SMAD9: variants seen among roughly 807,000 people sequenced by gnomAD.
SMAD9 encodes the protein MAD homolog 9.
In SMAD9, 36 loss-of-function variants were observed where a neutral mutation model predicts 46.1. That is an observed-to-expected ratio of 0.78 (90% CI 0.60 to 1.03). SMAD9 has a LOEUF of 1.03. SMAD9 is among the 50% of genes least tolerant of loss of function. The probability of loss-of-function intolerance (pLI) is 0.00; values close to 1 mark genes in which losing one functional copy is unlikely to be tolerated. For missense variants in SMAD9, 572 were observed against 599.8 expected, an observed-to-expected ratio of 0.95 and a Z score of 0.48; for synonymous variants, 245 against 237.1, an observed-to-expected ratio of 1.03 and a Z score of -0.31.
chr13:36,892,340 C>T (rs967344611), intron 1 of SMAD9, among the ~76,000 whole-genome samples: 2 of 152,068 alleles, frequency 1.3e-5, no homozygotes, highest in African/African-American at 4.8e-5. Context: ...TGAAACACAG[C>T]AAAAGCCAAA....
chr13:36,909,929 G>A (rs2058647012), intron 1 of SMAD9, among the ~76,000 whole-genome samples: 1 of 152,224 alleles, frequency 6.6e-6, no homozygotes, highest in African/African-American at 2.4e-5. Flanking sequence ...TGGGCGCAGT[G>A]GCTCACGCCT....
chr13:36,901,814 T>C (rs2058578763), intron 1 of SMAD9, among the ~76,000 whole-genome samples: 1 of 152,252 alleles, frequency 6.6e-6, no homozygotes. Flanking sequence ...TGGAAAAATA[T>C]CTATTCAAGT....
rs2058031025 is a variant in SMAD9, at chr13:36,845,176, A to G, written c.*3500T>C. On this transcript the variant is annotated 3_prime_UTR_variant, in exon 7 of 7. Transcript: ENST00000379826. The stretch of plus-strand genomic sequence containing the variant: ...GACACAAAGTTAAGCAGGTGCTTAC[A>G]GTCTATCAAGTGATATTTATGAAAT... The G allele has an allele frequency of 6.6e-6, 1 of 152,032 alleles. No homozygotes were observed. Among genetic ancestry groups the G allele is most frequent in the Non-Finnish European group, 1.5e-5 (1 of 68,008 alleles). The allele number at this position is 152,032 out of a possible 1,614,324, so 9.4% of individuals were successfully genotyped here. A position where few individuals can be genotyped will look rare whatever the true frequency, so the allele number is the denominator to read the frequency against.
chr13:36,884,306 C>T (rs1309849204), intron 1 of SMAD9, among the ~76,000 whole-genome samples: 6 of 152,268 alleles, frequency 3.9e-5, no homozygotes, highest in Middle Eastern at 3.4e-3. Flanking sequence ...TTGGTCAGTG[C>T]GTGATTAGCG....
rs565618103 is a variant in SMAD9 at position 36,852,458 on chromosome 13, AC to A, written c.1260+960del. ...TGAAGGCTTTCACTTCCATATACAAACCCAGTTGTCTTTCCTTCCCACTAAG... is the reference window on the plus strand; with the variant it reads ...TGAAGGCTTTCACTTCCATATACAAACCAGTTGTCTTTCCTTCCCACTAAG... On this transcript the variant is annotated intron_variant, in intron 6 of 6. Transcript: ENST00000379826. 123 of 985,340 alleles carry A rather than the reference AC, an allele frequency of 1.2e-4. 1 individual carries two copies. The African/African-American group carries it at 2.0e-3, about 16-fold the overall frequency. The allele number at this position is 985,340 out of a possible 1,614,324, so 61.0% of individuals were successfully genotyped here. A position where few individuals can be genotyped will look rare whatever the true frequency, so the allele number is the denominator to read the frequency against.
intron 1 of SMAD9, among the ~76,000 whole-genome samples, chr13:36,896,941 GA>G (rs1593610613): frequency 6.6e-6 from 1 of 151,494 alleles, no homozygotes; most frequent in East Asian, 1.9e-4. Context: ...AGTTGCATTT[GA>G]ACTTTACTTG....
intron 1 of SMAD9, among the ~76,000 whole-genome samples, chr13:36,915,862 T>C (rs935604242): frequency 6.6e-6 from 1 of 152,244 alleles, no homozygotes; most frequent in Non-Finnish European, 1.5e-5. Context: ...AAATGCGTTT[T>C]GAGCTGATTA....
At chr13:36,855,425 T>G (rs1355474981) in intron 5 of SMAD9, among the ~76,000 whole-genome samples, 1 of 152,076 alleles carries the variant, frequency 6.6e-6, no homozygotes, top group Non-Finnish European at 1.5e-5. Context: ...GAAATTCTAG[T>G]CTAGTGAATA....
chr13:36,880,347 C>T (rs1376879730), intron 1 of SMAD9, among the ~76,000 whole-genome samples: 1 of 152,206 alleles, frequency 6.6e-6, no homozygotes, highest in South Asian at 2.1e-4. Flanking sequence ...TCCTTGGTCT[C>T]CCAAGTGTAA....
At chr13:36,894,100 C>T (rs1389138758) in intron 1 of SMAD9, among the ~76,000 whole-genome samples, 3 of 152,060 alleles carry the variant, frequency 2.0e-5, no homozygotes, top group African/African-American at 7.2e-5. Context: ...ACTAGAATAG[C>T]ATTAGAACAA....
At chr13:36,861,894 A>G (rs1026476055) in intron 5 of SMAD9, among the ~76,000 whole-genome samples, 1 of 150,144 alleles carries the variant, frequency 6.7e-6, no homozygotes, top group Non-Finnish European at 1.5e-5. Flanking sequence ...GTTTCATTGT[A>G]CTCCAGCCTG....
rs909645549 is a variant in SMAD9, at chr13:36,844,939, TA to T, written c.*3736del. ...AATAGAAAGCATGACTTCACTCAAA[TA>T]GACAGTTTCTTTGTTGTTGTTAATC... On this transcript the variant is annotated 3_prime_UTR_variant, in exon 7 of 7. Coordinates refer to ENST00000379826, the MANE Select transcript of SMAD9 (RefSeq NM_001127217.3). 1 of 152,302 alleles carries T rather than the reference TA, an allele frequency of 6.6e-6. No homozygotes were observed. The highest frequency in any genetic ancestry group is 1.9e-4 in the East Asian group (1 of 5,180). The allele number at this position is 152,302 out of a possible 1,614,324, so 9.4% of individuals were successfully genotyped here.
At position 36,853,462 on chromosome 13, in the gene SMAD9, T is replaced by C; in HGVS notation, c.1217A>G (p.Tyr406Cys). ...GATAGTACACATCTTGGTCAGTTCATACACGACTTCAAAGCCGTGGTGAAC... is the reference window on the plus strand; with the variant it reads ...GATAGTACACATCTTGGTCAGTTCACACACGACTTCAAAGCCGTGGTGAAC... ...QSVHHGFEVV[Y>C]ELTKMCTIRM... Residue 406 changes from tyrosine to cysteine, a missense_variant, in exon 6 of 7, where the codon TAT becomes TGT. By Grantham distance (194) the Tyr-to-Cys change is radical (BLOSUM62 -2). Coordinates refer to ENST00000379826, the MANE Select transcript of SMAD9 (RefSeq NM_001127217.3). The C allele has an allele frequency of 6.2e-7, 1 of 1,614,118 alleles. No individual in the cohort carries two copies. The highest frequency in any genetic ancestry group is 1.1e-5 in the South Asian group (1 of 91,082).
At chr13:36,854,493 G>C (rs1439842690) in intron 5 of SMAD9, among the ~76,000 whole-genome samples, 1 of 151,912 alleles carries the variant, frequency 6.6e-6, no homozygotes, top group Non-Finnish European at 1.5e-5. Flanking sequence ...TCAGCCTCCT[G>C]AGTAGCTAGG....
Position 36,867,316 on chromosome 13 carries a change from A to G in SMAD9, c.738T>C (p.Asp246=). ...GCACTACATGTCTATCAGCTGTGGC[A>G]TCTACAGGTTGGCCACTCTGGGTCT... The part of the protein sequence containing the change: ...ASETQSGQPV[D]ATADRHVVLS... Residue 246 remains aspartate (D), a synonymous_variant, in exon 4 of 7, where the codon GAT becomes GAC. Transcript: ENST00000379826. 1.3e-6 allele frequency: 2 copies of G among 1,551,452 alleles called. No homozygotes were observed. The highest frequency in any genetic ancestry group is 2.4e-5 in the South Asian group (2 of 84,018).
At position 36,856,865 on chromosome 13, in the gene SMAD9, C is replaced by T. The variant is rs140236044; in HGVS notation, c.1004-3190G>A. Among the ~76,000 whole-genome samples, 8 of 146,170 alleles carry T rather than the reference C, an allele frequency of 5.5e-5. No individual in the cohort carries two copies. The East Asian group carries it at 8.1e-4, about 15-fold the overall frequency. On this transcript the variant is annotated intron_variant, in intron 5 of 6. Transcript: ENST00000379826. ...CACCCAGGCTGGAGATGGGGTGGCG[C>T]GATCTCGGCTCACTGCAACCTCTGC...
intron 1 of SMAD9, among the ~76,000 whole-genome samples, chr13:36,881,718 C>CT: frequency 6.6e-6 from 1 of 152,314 alleles, no homozygotes; most frequent in African/African-American, 2.4e-5. Flanking sequence ...GATTTTGTGG[C>CT]TTAACAATCA....
intron 1 of SMAD9, among the ~76,000 whole-genome samples, chr13:36,897,748 C>T (rs2058540213): frequency 6.6e-6 from 1 of 150,592 alleles, no homozygotes; most frequent in South Asian, 2.1e-4. Context: ...TTTGCATTTT[C>T]AGTTATAATT....
intron 1 of SMAD9, among the ~76,000 whole-genome samples, chr13:36,904,249 A>G (rs1019936886): frequency 2.0e-5 from 3 of 152,194 alleles, no homozygotes; most frequent in East Asian, 1.9e-4. Flanking sequence ...TGTGTCGTCA[A>G]TGTAACTTGG....
Sources: gnomAD v4.1 joint callset for allele counts (sites outside exome capture counted in the v4.1 genomes callset) on GRCh38, gnomAD v4.1.1 for gene constraint, MANE v1.5 for transcripts, NCBI Gene and HGNC (gene_info 2026-07-23, HGNC 2026-07-21) for gene names.